CNOT8: variants seen among roughly 807,000 people sequenced by gnomAD.
CNOT8 encodes CCR4-NOT transcription complex subunit 8, also known as CAF1-like protein.
Under a neutral mutation model 34.6 loss-of-function variants are expected in CNOT8, and 18 were observed. The observed-to-expected ratio is 0.52, with a 90% CI of 0.36 to 0.77. The LOEUF is 0.77. Among genes scored for constraint, CNOT8 ranks in the 30% least tolerant of loss-of-function variants. CNOT8 has a pLI of 0.00. For missense variants in CNOT8, 189 were observed against 347.9 expected (o/e 0.54, Z 3.63); for synonymous variants, 101 against 118.8 (o/e 0.85, Z 0.98).
chr5:154,866,861 C>T (rs528170681), intron 3 of CNOT8, among the ~76,000 whole-genome samples: 8 of 152,010 alleles, frequency 5.3e-5, no homozygotes, highest in African/African-American at 1.7e-4. Context: ...TGCAGTGAGT[C>T]GAGATTGTGC....
At chr5:154,874,274 T>G (rs1762741027) in intron 6 of CNOT8, among the ~76,000 whole-genome samples, 1 of 151,960 alleles carries the variant, frequency 6.6e-6, no homozygotes, top group Non-Finnish European at 1.5e-5. Flanking sequence ...ATGAAAAGAC[T>G]GCATTAAAAG....
At chr5:154,868,991 G>A (rs193068905) in intron 3 of CNOT8, among the ~76,000 whole-genome samples, 3 of 152,308 alleles carry the variant, frequency 2.0e-5, no homozygotes, top group Admixed American at 2.0e-4. Context: ...GCAGCTGCTG[G>A]ATCCCCTGAG....
At chr5:154,860,291 T>G (rs1561674120) in intron 1 of CNOT8, among the ~76,000 whole-genome samples, 1 of 151,582 alleles carries the variant, frequency 6.6e-6, no homozygotes, top group Non-Finnish European at 1.5e-5. Flanking sequence ...GAATTGCTGG[T>G]ATGATGATGA....
At chr5:154,864,512 T>G (rs1353867048) in intron 2 of CNOT8, among the ~76,000 whole-genome samples, 1 of 152,164 alleles carries the variant, frequency 6.6e-6, no homozygotes, top group East Asian at 1.9e-4. Flanking sequence ...TCAGAGCTCC[T>G]TCCAGTCTTT....
chr5:154,870,546 T>TA, intron 3 of CNOT8, 115 bp from the exon 4 acceptor site: 1 of 744,816 alleles, frequency 1.3e-6, no homozygotes, highest in South Asian at 1.9e-5. Context: ...ATCTATTAAG[T>TA]TAGGAAAAGC....
intron 3 of CNOT8, chr5:154,867,832 T>G (rs998927076): frequency 5.8e-6 from 1 of 173,082 alleles, no homozygotes; most frequent in Non-Finnish European, 1.3e-5. Flanking sequence ...TTTTAAAATA[T>G]AAAAGCTTTA....
At position 154,868,194 on chromosome 5, in the gene CNOT8, C is replaced by G. The variant is rs573072165; in HGVS notation, c.312-2467C>G. On this transcript the variant is annotated intron_variant, in intron 3 of 6. Transcript: ENST00000285896. ...CCTTGTGATCCGCCCGCCTTGGCCT[C>G]CCAGAGTGCTGGGATTACAGGCATG... Among the ~76,000 whole-genome samples, 47 of 151,984 alleles carry G rather than the reference C, an allele frequency of 3.1e-4. 1 individual carries two copies. In the South Asian group the frequency reaches 8.3e-3, roughly 27 times the overall value.
At chr5:154,868,646 G>C (rs373590638) in intron 3 of CNOT8, among the ~76,000 whole-genome samples, 2 of 152,186 alleles carry the variant, frequency 1.3e-5, no homozygotes, top group Non-Finnish European at 2.9e-5. Context: ...CCAGTTCATG[G>C]AACAGGCACT....
At chr5:154,863,168 G>C (rs1024735133) in intron 1 of CNOT8, 39 bp from the exon 2 acceptor site, 1 of 738,302 alleles carries the variant, frequency 1.4e-6, no homozygotes, top group Non-Finnish European at 2.4e-6. Flanking sequence ...TCTTATGTGT[G>C]TGTAAACTTA....
chr5:154,873,352 C>T (rs1331844194), intron 6 of CNOT8, among the ~76,000 whole-genome samples: 1 of 152,182 alleles, frequency 6.6e-6, no homozygotes, highest in African/African-American at 2.4e-5. Context: ...CTTGAGCACA[C>T]CCAAGTCCAG....
Position 154,863,234 on chromosome 5 carries a change from C to G in CNOT8, c.-45C>G, listed in dbSNP as rs1761525270. On this transcript the variant is annotated 5_prime_UTR_variant, in exon 2 of 7. Coordinates refer to ENST00000285896, the MANE Select transcript of CNOT8 (RefSeq NM_001301073.2). ...CAGACCAAACATTGTCTGGCTTGCA[C>G]TGTAAAACTAGTTAGCTGAAGACGA... 2 of 1,362,930 alleles carry G rather than the reference C, an allele frequency of 1.5e-6. No individual in the cohort carries two copies. Among genetic ancestry groups the G allele is most frequent in the African/African-American group, 1.4e-5 (1 of 70,052 alleles). 84.4% of individuals were successfully genotyped at this position (1,362,930 alleles called of 1,614,324 possible).
intron 6 of CNOT8, among the ~76,000 whole-genome samples, chr5:154,874,499 C>T (rs1182168726): frequency 1.3e-5 from 2 of 152,030 alleles, no homozygotes; most frequent in East Asian, 1.9e-4. Flanking sequence ...TCACTTGAGC[C>T]TGGGAGGCGG....
rs773099897 is a variant in CNOT8 at position 154,876,635 on chromosome 5, C to T, written c.*1196C>T. 6.6e-6 allele frequency: 1 copy of T among 152,594 alleles called. No homozygotes were observed. The highest frequency in any genetic ancestry group is 2.4e-5 in the African/African-American group (1 of 41,412). The allele number at this position is 152,594 out of a possible 1,614,324, so 9.5% of individuals were successfully genotyped here. ...TGGAAGTAAAAACTGGTAACTCACT[C>T]AAGTGAATGAATGGTCTTGCATTTT... On this transcript the variant is annotated 3_prime_UTR_variant, in exon 7 of 7. Transcript: ENST00000285896.
chr5:154,867,641 A>G, intron 3 of CNOT8: 2 of 260,648 alleles, frequency 7.7e-6, no homozygotes, highest in Non-Finnish European at 7.8e-6. Context: ...ATTAGGGAAA[A>G]AGAAAACTTA....
intron 3 of CNOT8, chr5:154,867,714 A>G: frequency 3.5e-6 from 1 of 285,126 alleles, no homozygotes; most frequent in Non-Finnish European, 6.9e-6. Flanking sequence ...AAAAGTCAAC[A>G]ATAATACATG....
In CNOT8 at chr5:154,865,269, G is replaced by A. The variant is rs1256221088; in HGVS notation, c.195G>A (p.Leu65=). 5.0e-6 allele frequency: 8 copies of A among 1,613,160 alleles called. No individual in the cohort carries two copies. In the South Asian group the frequency reaches 7.7e-5, roughly 16 times the overall value. Residue 65 remains leucine (L), a synonymous_variant, in exon 3 of 7, where the codon CTG becomes CTA. Coordinates refer to ENST00000285896, the MANE Select transcript of CNOT8 (RefSeq NM_001301073.2). ...CCATAGATTACCAATATCAGCTTCT[G>A]CGGTGCAATGTTGACCTTTTAAAAA... is the stretch of plus-strand genomic sequence containing the variant. The part of the protein sequence containing the change: ...RSSIDYQYQL[L]RCNVDLLKII...
rs1334861193 is a variant in CNOT8, at chr5:154,863,150, T to C, written c.-72-57T>C. On this transcript the variant is annotated intron_variant, in intron 1 of 6. Transcript: ENST00000285896. ...AAATATTATTTTGATGTCTTTGTTGTGTTGACATCTTATGTGTGTGTAAAC... is the reference window on the plus strand; with the variant it reads ...AAATATTATTTTGATGTCTTTGTTGCGTTGACATCTTATGTGTGTGTAAAC... The C allele has an allele frequency of 4.6e-5, 31 of 678,312 alleles. No homozygotes were observed. The South Asian group carries it at 5.1e-4, about 11-fold the overall frequency. The allele number at this position is 678,312 out of a possible 1,614,324, so 42.0% of individuals were successfully genotyped here.
At chr5:154,871,926 G>A (rs1436254108) in intron 5 of CNOT8, 52 bp downstream of exon 5, 1 of 1,525,576 alleles carries the variant, frequency 6.6e-7, no homozygotes, top group African/African-American at 1.4e-5. Flanking sequence ...CAGAAAAAAA[G>A]CTGACTTTGC....
intron 4 of CNOT8, 27 bp downstream of exon 4, chr5:154,870,849 C>T (rs747668873): frequency 5.7e-6 from 9 of 1,577,830 alleles, no homozygotes; most frequent in South Asian, 1.2e-5. Flanking sequence ...GTGTATTTCT[C>T]TCTCACTTTG....
Sources: gnomAD v4.1 joint callset for allele counts (sites outside exome capture counted in the v4.1 genomes callset) on GRCh38, gnomAD v4.1.1 for gene constraint, MANE v1.5 for transcripts, NCBI Gene and HGNC (gene_info 2026-07-23, HGNC 2026-07-21) for gene names.